Variants in PAQR8 observed in about 807,000 individuals in gnomAD.
PAQR8 encodes membrane progestin receptor beta.
In PAQR8, 17 loss-of-function variants were observed where a neutral mutation model predicts 25.2. The ratio of observed to expected loss-of-function variants is 0.67; its 90% CI spans 0.46 to 1.01. The LOEUF (loss-of-function observed/expected upper bound fraction) is 1.01, where lower values mean the gene tolerates loss of function less well. Among genes scored for constraint, PAQR8 ranks in the 50% least tolerant of loss-of-function variants. The pLI, the probability that PAQR8 is intolerant of heterozygous loss-of-function variation, is 0.00. For synonymous variants in PAQR8, 204 were observed against 190.6 expected (o/e 1.07, Z -0.58); for missense variants, 392 against 448.4 (o/e 0.87, Z 1.14).
Position 52,405,385 on chromosome 6 carries a change from A to T in PAQR8, c.*1107A>T, listed in dbSNP as rs546271197. On this transcript the variant is annotated 3_prime_UTR_variant, in exon 2 of 2. Coordinates refer to ENST00000442253, the MANE Select transcript of PAQR8 (RefSeq NM_133367.5). ...TGCTTCAGCTTAGAGCAGAACCCAT[A>T]AAATACTCAAGTACTGGGATAGGCA... is the stretch of plus-strand genomic sequence containing the variant. 3.3e-4 allele frequency: 55 copies of T among 167,252 alleles called. No individual in the cohort carries two copies. Among genetic ancestry groups the T allele is most frequent in the Non-Finnish European group, 5.9e-4 (40 of 68,120 alleles). The allele number at this position is 167,252 out of a possible 1,614,324, so 10.4% of individuals were successfully genotyped here. A position where few individuals can be genotyped will look rare whatever the true frequency, so the allele number is the denominator to read the frequency against.
At position 52,371,462 on chromosome 6, in the gene PAQR8, A is replaced by G. The variant is rs140609489; in HGVS notation, c.-53+9213A>G. ...AGAATTCTTCTATTACAGAAGAAGC[A>G]TGAATTGCATAGGAGAGGACACACA... On this transcript the variant is annotated intron_variant, in intron 1 of 1. Transcript: ENST00000442253. 9.8e-5 allele frequency among the ~76,000 whole-genome samples: 15 copies of G among 152,330 alleles called. No homozygotes were observed. The East Asian group carries it at 2.7e-3, about 27-fold the overall frequency.
intron 1 of PAQR8, among the ~76,000 whole-genome samples, chr6:52,370,098 A>G (rs561602389): frequency 6.6e-6 from 1 of 152,090 alleles, no homozygotes; most frequent in South Asian, 2.1e-4. Flanking sequence ...CCTCTTTAAA[A>G]TATACTGAAT....
chr6:52,372,599 C>T (rs895386153), intron 1 of PAQR8, among the ~76,000 whole-genome samples: 1 of 152,024 alleles, frequency 6.6e-6, no homozygotes, highest in Non-Finnish European at 1.5e-5. Flanking sequence ...GTATTTCTCT[C>T]TCTCTTTCTT....
chr6:52,395,197 C>T (rs980786020), intron 1 of PAQR8, among the ~76,000 whole-genome samples: 9 of 147,710 alleles, frequency 6.1e-5, no homozygotes, highest in Non-Finnish European at 1.3e-4. Context: ...TGCTTGAACC[C>T]GGGAGGCGGA....
intron 1 of PAQR8, among the ~76,000 whole-genome samples, chr6:52,379,947 G>T (rs1008590315): frequency 7.9e-5 from 12 of 151,968 alleles, no homozygotes; most frequent in Non-Finnish European, 1.3e-4. Context: ...ATTTTTAAGA[G>T]ATGGGGTTTC....
At chr6:52,398,107 C>T (rs1185516474) in intron 1 of PAQR8, among the ~76,000 whole-genome samples, 1 of 151,778 alleles carries the variant, frequency 6.6e-6, no homozygotes, top group African/African-American at 2.4e-5. Context: ...AATTTCATGG[C>T]AGAGGAAGAG....
chr6:52,382,342 A>G (rs1401306327), intron 1 of PAQR8, among the ~76,000 whole-genome samples: 2 of 152,218 alleles, frequency 1.3e-5, no homozygotes, highest in South Asian at 2.1e-4. Context: ...GCAAAAGTCT[A>G]TAAAGGAATC....
intron 1 of PAQR8, among the ~76,000 whole-genome samples, chr6:52,379,601 A>C (rs1763527949): frequency 7.7e-6 from 1 of 129,524 alleles, no homozygotes; most frequent in Non-Finnish European, 1.6e-5. Context: ...ACAGGTGCGT[A>C]CCGCCACACC....
At chr6:52,383,673 A>AAAC (rs1170815932) in intron 1 of PAQR8, among the ~76,000 whole-genome samples, 3 of 151,854 alleles carry the variant, frequency 2.0e-5, no homozygotes, top group Non-Finnish European at 4.4e-5. Context: ...AAAAAAAAAA[A>AAAC]AAAACCAGGA....
At chr6:52,391,970 A>T (rs1036567340) in intron 1 of PAQR8, among the ~76,000 whole-genome samples, 1 of 152,186 alleles carries the variant, frequency 6.6e-6, no homozygotes, top group Admixed American at 6.5e-5. Context: ...ACAAAGCAAA[A>T]CATAGCCCAG....
chr6:52,372,444 T>C (rs1306020959), intron 1 of PAQR8, among the ~76,000 whole-genome samples: 2 of 152,168 alleles, frequency 1.3e-5, no homozygotes, highest in African/African-American at 2.4e-5. Flanking sequence ...TTTAACTCCC[T>C]CATGTTGGCC....
Position 52,379,913 on chromosome 6 carries a change from C to T in PAQR8, c.-53+17664C>T, listed in dbSNP as rs780130584. Among the ~76,000 whole-genome samples, 88 of 152,098 alleles carry T rather than the reference C, an allele frequency of 5.8e-4. 1 individual carries two copies. The highest frequency in any genetic ancestry group is 7.9e-4 in the Non-Finnish European group (54 of 68,016). On this transcript the variant is annotated intron_variant, in intron 1 of 1. Coordinates refer to ENST00000442253, the MANE Select transcript of PAQR8 (RefSeq NM_133367.5). Reference sequence around the variant, plus strand: ...AAGTGCTGGGATTACAGGCGTGAGCCACCGCACCTGGCCGCTATTTTGTAT... The same window carrying T: ...AAGTGCTGGGATTACAGGCGTGAGCTACCGCACCTGGCCGCTATTTTGTAT...
chr6:52,369,575 A>G (rs962406487), intron 1 of PAQR8, among the ~76,000 whole-genome samples: 4 of 152,236 alleles, frequency 2.6e-5, no homozygotes, highest in African/African-American at 9.6e-5. Flanking sequence ...GAGGTGAGCT[A>G]CAAAACCAGG....
intron 1 of PAQR8, among the ~76,000 whole-genome samples, chr6:52,378,178 C>T (rs1763507197): frequency 6.6e-6 from 1 of 152,166 alleles, no homozygotes; most frequent in Non-Finnish European, 1.5e-5. Flanking sequence ...GACCTTAGAA[C>T]CATGTGTAGT....
At chr6:52,363,287 C>G (rs1348954192) in intron 1 of PAQR8, among the ~76,000 whole-genome samples, 1 of 152,154 alleles carries the variant, frequency 6.6e-6, no homozygotes, top group Non-Finnish European at 1.5e-5. Context: ...AGTGGGAAGT[C>G]CAGGAGCCTT....
intron 1 of PAQR8, among the ~76,000 whole-genome samples, chr6:52,374,296 T>A (rs912575868): frequency 1.3e-5 from 2 of 152,244 alleles, no homozygotes; most frequent in Admixed American, 6.5e-5. Flanking sequence ...CCATTTTTCC[T>A]ATCAAAACAT....
intron 1 of PAQR8, among the ~76,000 whole-genome samples, chr6:52,383,117 AC>A (rs1179094792): frequency 5.3e-5 from 8 of 152,284 alleles, no homozygotes; most frequent in African/African-American, 1.9e-4. Context: ...ACAGATAGAT[AC>A]ACTAATATAT....
At chr6:52,369,426 C>G (rs890541766) in intron 1 of PAQR8, among the ~76,000 whole-genome samples, 3 of 152,182 alleles carry the variant, frequency 2.0e-5, no homozygotes, top group African/African-American at 7.2e-5. Flanking sequence ...AGAAAAAAAT[C>G]TCTATTCTCA....
rs745479622 is a variant in PAQR8 at position 52,403,725 on chromosome 6, G to A, written c.512G>A (p.Trp171Ter). 4 of 1,614,140 alleles carry A rather than the reference G, an allele frequency of 2.5e-6. No homozygotes were observed. In the Admixed American group the frequency reaches 6.7e-5, roughly 27 times the overall value. ...TTCTTCTACAGCTCTGACCAGGCCT[G>A]GTATGACCGGTTCTGGCTTTTCTTC... The part of the protein sequence containing the change: ...AHFFYSSDQA[W>*]YDRFWLFFLP... The change falls in exon 2 of 2, where the codon TGG becomes TAG. Residue 171 changes from tryptophan (W) to a stop codon, truncating the protein, a stop_gained. Coordinates refer to ENST00000442253, the MANE Select transcript of PAQR8 (RefSeq NM_133367.5). LOFTEE classifies it high-confidence loss of function.
Sources: allele counts gnomAD v4.1 joint callset (sites outside exome capture counted in the v4.1 genomes callset), GRCh38; gene constraint gnomAD v4.1.1; transcripts MANE v1.5; gene names NCBI Gene and HGNC (gene_info 2026-07-23, HGNC 2026-07-21).